CACHD1: variants seen among roughly 807,000 people sequenced by gnomAD.
The protein encoded by CACHD1 is cache domain containing 1, also known as VWFA and cache domain-containing protein 1.
A neutral mutation model predicts 138.7 loss-of-function variants in CACHD1; 71 were observed. That is an observed-to-expected ratio of 0.51 (90% CI 0.42 to 0.62). The LOEUF (loss-of-function observed/expected upper bound fraction) is 0.62, where lower values mean the gene tolerates loss of function less well. Ranked by LOEUF, CACHD1 falls within the 20% of genes least tolerant of loss-of-function variation. The pLI, the probability that CACHD1 is intolerant of heterozygous loss-of-function variation, is 0.00. For synonymous variants in CACHD1, 578 were observed against 591.5 expected (o/e 0.98, Z 0.33); for missense variants, 1,389 against 1,625.3 (o/e 0.85, Z 2.50).
At chr1:64,671,542 C>T (rs764601661) in intron 16 of CACHD1, 22 bp from the exon 17 acceptor site, 44 of 1,613,394 alleles carry the variant, frequency 2.7e-5, no homozygotes, top group East Asian at 4.5e-5. Context: ...CTATTGTTCT[C>T]ATTGATCTTT....
intron 16 of CACHD1, among the ~76,000 whole-genome samples, chr1:64,666,848 CAAAAAA>C (rs946649209): frequency 5.9e-5 from 2 of 33,956 alleles, no homozygotes; most frequent in African/African-American, 1.2e-4. Flanking sequence ...GATCCTGTCT[CAAAAAA>C]AAAAAAAAAA....
chr1:64,642,208 T>A (rs1322169551), intron 8 of CACHD1, among the ~76,000 whole-genome samples: 1 of 152,250 alleles, frequency 6.6e-6, no homozygotes, highest in African/African-American at 2.4e-5. Flanking sequence ...TTACGTGGTC[T>A]TGCAGAGGAT....
rs551616431 is a variant in CACHD1, at chr1:64,512,393, C to CAAAAAAAAAAAAAAAA, written c.199-38190_199-38175dup. ...TCGGTGACACAGTGAGACTGTGTCT[C>CAAAAAAAAAAAAAAAA]AAAAAAAAAAAAAAAAAAAAAAAAA... On this transcript the variant is annotated intron_variant, in intron 1 of 26. Transcript: ENST00000651257. 3.6e-4 allele frequency among the ~76,000 whole-genome samples: 28 copies of CAAAAAAAAAAAAAAAA among 78,590 alleles called. 4 individuals carry two copies. Among genetic ancestry groups the CAAAAAAAAAAAAAAAA allele is most frequent in the African/African-American group, 1.6e-3 (25 of 15,576 alleles). The allele number at this position is 78,590 out of a possible 152,430, so 51.6% of individuals were successfully genotyped here.
At chr1:64,678,734 G>A (rs553821966) in intron 23 of CACHD1, among the ~76,000 whole-genome samples, 4 of 152,224 alleles carry the variant, frequency 2.6e-5, no homozygotes, top group East Asian at 1.9e-4. Flanking sequence ...TCAGTATTTG[G>A]GGCCTTGGAG....
intron 26 of CACHD1, among the ~76,000 whole-genome samples, chr1:64,684,217 A>G (rs953686940): frequency 1.3e-5 from 2 of 151,984 alleles, no homozygotes; most frequent in African/African-American, 4.8e-5. Context: ...TGGAGTGCAA[A>G]GGTGCGATCT....
In CACHD1 at chr1:64,474,469, A is replaced by T. The variant is rs149313318; in HGVS notation, c.198+3527A>T. Among the ~76,000 whole-genome samples the T allele has an allele frequency of 4.7e-3, 722 of 152,346 alleles. 5 individuals carry two copies. The highest frequency in any genetic ancestry group is 0.017 in the African/African-American group (694 of 41,584). On this transcript the variant is annotated intron_variant, in intron 1 of 26. Coordinates refer to ENST00000651257, the MANE Select transcript of CACHD1 (RefSeq NM_020925.4). ...CTCAAGATTTGCTCTGTGGACTTAA[A>T]GGAAATAGTGCATGTAAAGGCATCT...
rs68180558 is a variant in CACHD1, at chr1:64,531,495, T to TTGTG, written c.199-19067_199-19064dup. Among the ~76,000 whole-genome samples, 1,245 of 146,868 alleles carry TTGTG rather than the reference T, an allele frequency of 8.5e-3. 19 individuals are homozygous for TTGTG. Among genetic ancestry groups the TTGTG allele is most frequent in the African/African-American group, 0.027 (1,060 of 39,716 alleles). ...AGTTAATGATTTAGAATGAATGTGG[T>TTGTG]TGTGTGTGTGTGTGTGTGTGTGTGT... On this transcript the variant is annotated intron_variant, in intron 1 of 26. Coordinates refer to ENST00000651257, the MANE Select transcript of CACHD1 (RefSeq NM_020925.4).
rs1418913301 is a variant in CACHD1, at chr1:64,470,142, A to G, written c.-603A>G. On this transcript the variant is annotated 5_prime_UTR_variant, in exon 1 of 27. Transcript: ENST00000651257. The surrounding 1 kb of genome is among the most constrained non-coding windows in gnomAD (Gnocchi z 5.2). ...CCGCGGCGGCCCAGCCGGGAAGTGC[A>G]CAGAGCCGGAGCGCAGCGTGGTGGC... 1.3e-5 allele frequency among the ~76,000 whole-genome samples: 2 copies of G among 151,832 alleles called. No homozygotes were observed. Among genetic ancestry groups the G allele is most frequent in the South Asian group, 4.1e-4 (2 of 4,822 alleles).
chr1:64,567,973 T>C (rs1223946628), intron 2 of CACHD1, among the ~76,000 whole-genome samples: 1 of 152,136 alleles, frequency 6.6e-6, no homozygotes, highest in Non-Finnish European at 1.5e-5. Flanking sequence ...ACTGGAGCCT[T>C]AGGAGGAAGC....
At chr1:64,626,974 A>G (rs893533936) in intron 4 of CACHD1, among the ~76,000 whole-genome samples, 9 of 152,150 alleles carry the variant, frequency 5.9e-5, no homozygotes, top group African/African-American at 2.2e-4. Flanking sequence ...CCATTCCAAA[A>G]AGCCATTCCC....
intron 7 of CACHD1, 133 bp from the exon 8 acceptor site, chr1:64,641,687 A>T: frequency 1.7e-6 from 1 of 581,398 alleles, no homozygotes; most frequent in Non-Finnish European, 3.0e-6. Flanking sequence ...CACAGCATCA[A>T]ACAGGAGGGA....
intron 4 of CACHD1, among the ~76,000 whole-genome samples, chr1:64,613,705 C>T (rs1030054402): frequency 2.0e-5 from 3 of 152,062 alleles, no homozygotes; most frequent in Admixed American, 2.0e-4. Flanking sequence ...CTGTTTAATC[C>T]TTATTTTTCC....
At chr1:64,529,791 T>TGCTGCCAAGAA (rs1317941003) in intron 1 of CACHD1, among the ~76,000 whole-genome samples, 1 of 152,220 alleles carries the variant, frequency 6.6e-6, no homozygotes, top group Non-Finnish European at 1.5e-5. Flanking sequence ...GCATAGGTCT[T>TGCTGCCAAGAA]GCTGCCAAGA....
At chr1:64,676,029 A>G in intron 21 of CACHD1, 46 bp downstream of exon 21, 1 of 497,046 alleles carries the variant, frequency 2.0e-6, no homozygotes, top group Non-Finnish European at 2.7e-6. Context: ...AATAATAATA[A>G]TAATAATAAT....
intron 8 of CACHD1, among the ~76,000 whole-genome samples, chr1:64,647,034 CT>C (rs952013959): frequency 3.3e-5 from 5 of 150,028 alleles, no homozygotes; most frequent in Non-Finnish European, 5.9e-5. Flanking sequence ...GTTTCTAATC[CT>C]TTTGACTATG....
intron 4 of CACHD1, among the ~76,000 whole-genome samples, chr1:64,607,462 C>T (rs544418226): frequency 3.3e-5 from 5 of 152,122 alleles, no homozygotes; most frequent in Admixed American, 1.3e-4. Flanking sequence ...CTCTGGAGAA[C>T]GGAGGAGAGG....
chr1:64,523,441 T>C (rs892379238), intron 1 of CACHD1, among the ~76,000 whole-genome samples: 4 of 152,206 alleles, frequency 2.6e-5, no homozygotes, highest in African/African-American at 9.7e-5. Context: ...CTGGCTTTGC[T>C]TTACATAAAA....
chr1:64,500,853 G>A (rs1031207693), intron 1 of CACHD1, among the ~76,000 whole-genome samples: 9 of 151,834 alleles, frequency 5.9e-5, no homozygotes, highest in African/African-American at 2.2e-4. Flanking sequence ...TTCGAGACCT[G>A]CTTGGCCAAC....
intron 2 of CACHD1, among the ~76,000 whole-genome samples, chr1:64,566,484 C>CCCG (rs1553133835): frequency 1.4e-5 from 2 of 141,888 alleles, no homozygotes; most frequent in South Asian, 2.4e-4. Context: ...TCAATTCCCC[C>CCCG]CCCCCCACAA....
Sources: gnomAD v4.1 joint callset for allele counts (sites outside exome capture counted in the v4.1 genomes callset) on GRCh38, gnomAD v4.1.1 for gene constraint, Gnocchi (gnomAD v3.1) non-coding constraint, MANE v1.5 for transcripts, NCBI Gene and HGNC (gene_info 2026-07-23, HGNC 2026-07-21) for gene names.